Variants in TRMT2B observed in about 807,000 individuals in gnomAD.
TRMT2B encodes tRNA (uracil-5-)-methyltransferase homolog B.
Under a neutral mutation model 39.7 loss-of-function variants are expected in TRMT2B, and 34 were observed. That is an observed-to-expected ratio of 0.86 (90% CI 0.65 to 1.14). The LOEUF (loss-of-function observed/expected upper bound fraction) is 1.14. Among genes scored for constraint, TRMT2B ranks in the 50% most tolerant of loss-of-function variants. The pLI is 0.00. For synonymous variants in TRMT2B, 132 were observed against 137.3 expected, an observed-to-expected ratio of 0.96 and a Z score of 0.27; for missense variants, 318 against 377.2, an observed-to-expected ratio of 0.84 and a Z score of 1.30.
rs752938975 is a variant in TRMT2B at position 101,015,931 on chromosome X, G to A, written c.1388+3040C>T. Among the ~76,000 whole-genome samples the A allele has an allele frequency of 1.5e-4, 17 of 110,540 alleles. No homozygotes were observed. In the East Asian group the frequency reaches 4.6e-3, roughly 30 times the overall value. ...CTAAAAACACAAAAATTAGCCAGGC[G>A]TGGTGGCAGGTGCCTGTAATCCCAG... On this transcript the variant is annotated intron_variant, in intron 13 of 13. Coordinates refer to ENST00000372936, the MANE Select transcript of TRMT2B (RefSeq NM_024917.6).
At chrX:101,017,108 G>T (rs1255223409) in intron 13 of TRMT2B, among the ~76,000 whole-genome samples, 1 of 109,429 alleles carries the variant, frequency 9.1e-6, no homozygotes, top group African/African-American at 3.3e-5. Context: ...GGAGGCGGAG[G>T]TTGCAGTGAG....
At chrX:101,007,771 C>T (rs2147986244), downstream of TRMT2B, among the ~76,000 whole-genome samples, 1 of 111,364 alleles carries the variant, frequency 9.0e-6, no homozygotes, top group East Asian at 2.8e-4. Flanking sequence ...CTATATTGTC[C>T]AGGCTGGTCT....
At chrX:101,019,253 T>C (rs1318350630) in intron 12 of TRMT2B, 31 bp downstream of exon 12, 2 of 1,209,008 alleles carry the variant, frequency 1.7e-6, no homozygotes, top group East Asian at 3.0e-5. Context: ...TGGACAATAC[T>C]GGGAACATCA....
chrX:101,042,228 C>T lies in TRMT2B; in HGVS notation c.62G>A (p.Gly21Asp). 8.3e-7 allele frequency: 1 copy of T among 1,211,890 alleles called. No individual in the cohort carries two copies. The highest frequency in any genetic ancestry group is 1.1e-6 in the Non-Finnish European group (1 of 895,440). The part of the protein sequence containing the change: ...HSLRYFISMV[G>D]LFSKPGLLPW... ...AAGCAGTCCTGGTTTGGAGAAGAGA[C>T]CCACCATGGAGATGAAGTATCTGAG... Residue 21 changes from glycine to aspartate, a missense_variant, in exon 3 of 14, where the codon GGT (glycine) becomes GAT (aspartate). Transcript: ENST00000372936.
chrX:100,997,037 C>T, the TRMT2B span, among the ~76,000 whole-genome samples: 56 of 111,072 alleles, frequency 5.0e-4, no homozygotes, highest in Non-Finnish European at 9.2e-4. Context: ...TCTATAAGTT[C>T]CATATTTGTA....
chrX:100,982,228 C>T, the TRMT2B span, among the ~76,000 whole-genome samples: 3 of 110,876 alleles, frequency 2.7e-5, no homozygotes, highest in African/African-American at 9.9e-5. Flanking sequence ...TGGTAGCTCA[C>T]GCCTGTAATC....
chrX:101,024,190 A>C (rs1355238491), intron 7 of TRMT2B, among the ~76,000 whole-genome samples: 3 of 111,151 alleles, frequency 2.7e-5, no homozygotes, highest in Non-Finnish European at 5.7e-5. Context: ...AGAGACACCA[A>C]GGTTGGGTGC....
intron 4 of TRMT2B, among the ~76,000 whole-genome samples, chrX:101,038,905 A>C (rs2088031730): frequency 9.0e-6 from 1 of 110,722 alleles, no homozygotes; most frequent in African/African-American, 3.3e-5. Context: ...ACACGCCACC[A>C]AACCTGGCTT....
chrX:100,985,627 G>C, the TRMT2B span: 1 of 1,174,819 alleles, frequency 8.5e-7, no homozygotes, highest in East Asian at 3.0e-5. Flanking sequence ...ATGGAGTTTC[G>C]ATCTAAGTGA....
At chrX:101,028,878 CCTT>C (rs201152227) in intron 7 of TRMT2B, among the ~76,000 whole-genome samples, 2,041 of 111,004 alleles carry the variant, frequency 0.018, 53 homozygotes, top group African/African-American at 0.064. Context: ...GGCACATTCC[CCTT>C]CTTCTCTCTC....
chrX:100,994,802 G>C, the TRMT2B span, among the ~76,000 whole-genome samples: 1 of 111,137 alleles, frequency 9.0e-6, no homozygotes. Context: ...GCAGGGTCTT[G>C]CTCTATCACC....
intron 7 of TRMT2B, among the ~76,000 whole-genome samples, chrX:101,025,552 G>C (rs909473735): frequency 4.5e-5 from 5 of 112,136 alleles, no homozygotes; most frequent in Admixed American, 9.6e-5. Flanking sequence ...AGTGCTACCT[G>C]AGAGGTAAGA....
At chrX:100,986,981 T>C in the TRMT2B span, 1 of 641,694 alleles carries the variant, frequency 1.6e-6, no homozygotes, top group East Asian at 3.7e-5. Context: ...GTCAGTCCCA[T>C]ATGTTGGGTT....
intron 7 of TRMT2B, among the ~76,000 whole-genome samples, chrX:101,029,216 C>T (rs1292827719): frequency 9.0e-6 from 1 of 110,942 alleles, no homozygotes; most frequent in Non-Finnish European, 1.9e-5. Flanking sequence ...AAATGTTTTT[C>T]CCTCAGACCT....
chrX:101,000,412 G>A, the TRMT2B span, among the ~76,000 whole-genome samples: 65 of 111,112 alleles, frequency 5.8e-4, no homozygotes, highest in African/African-American at 2.1e-3. Context: ...GCGAGCCACC[G>A]CACCCGGCCT....
chrX:101,028,112 CTTTTTTTT>C (rs1161374681), intron 7 of TRMT2B, among the ~76,000 whole-genome samples: 1 of 78,434 alleles, frequency 1.3e-5, no homozygotes, highest in African/African-American at 5.1e-5. Flanking sequence ...ACTTCTTGCT[CTTTTTTTT>C]TTTTTTTTTT....
chrX:100,973,603 CATA>C, the TRMT2B span: 1 of 1,040,188 alleles, frequency 9.6e-7, no homozygotes, highest in Non-Finnish European at 1.3e-6. Flanking sequence ...CCTGTTTAGT[CATA>C]AGCTGACTAA....
At chrX:101,033,209 C>A (rs1456123427) in intron 7 of TRMT2B, among the ~76,000 whole-genome samples, 1 of 103,884 alleles carries the variant, frequency 9.6e-6, no homozygotes, top group Non-Finnish European at 2.0e-5. Flanking sequence ...TGAGCCAAGA[C>A]TGCGCCATTG....
intron 10 of TRMT2B, 37 bp from the exon 11 acceptor site, chrX:101,020,625 A>G: frequency 9.6e-7 from 1 of 1,042,436 alleles, no homozygotes; most frequent in Non-Finnish European, 1.3e-6. Context: ...AAGGCATTTT[A>G]GGGTTTAGGT....
Sources: allele counts gnomAD v4.1 joint callset (sites outside exome capture counted in the v4.1 genomes callset), GRCh38; gene constraint gnomAD v4.1.1; transcripts MANE v1.5; gene names NCBI Gene and HGNC (gene_info 2026-07-23, HGNC 2026-07-21).